The following CNNM2 variants were observed in gnomAD, a reference collection of about 807,000 sequenced individuals.
CNNM2 encodes metal transporter CNNM2.
A neutral mutation model predicts 66.9 loss-of-function variants in CNNM2; 12 were observed. The ratio of observed to expected loss-of-function variants is 0.18; its 90% CI spans 0.11 to 0.29. The LOEUF (loss-of-function observed/expected upper bound fraction) is 0.29, where lower values mean the gene tolerates loss of function less well. Ranked by LOEUF, CNNM2 falls within the 10% of genes least tolerant of loss-of-function variation. The pLI is 1.00. For missense variants in CNNM2, 705 were observed against 1,167.7 expected (o/e 0.60, Z 5.77); for synonymous variants, 557 against 501.8 (o/e 1.11, Z -1.47).
chr10:103,034,972 C>CAAAAAAAAAAAAAAAAAAAAAAAA (rs71019651), intron 1 of CNNM2, among the ~76,000 whole-genome samples: 3 of 71,138 alleles, frequency 4.2e-5, no homozygotes, highest in African/African-American at 1.2e-4. Context: ...GACTCCGTCT[C>CAAAAAAAAAAAAAAAAAAAAAAAA]AAAAAAAAAA....
chr10:103,062,784 G>C (rs537721268), intron 4 of CNNM2, among the ~76,000 whole-genome samples: 1 of 152,138 alleles, frequency 6.6e-6, no homozygotes, highest in Non-Finnish European at 1.5e-5. Context: ...ACAGTGTGTC[G>C]TGCTATTATT....
intron 6 of CNNM2, among the ~76,000 whole-genome samples, chr10:103,072,306 A>G (rs1306790856): frequency 2.6e-5 from 4 of 152,232 alleles, no homozygotes; most frequent in Non-Finnish European, 4.4e-5. Flanking sequence ...GGTAAGCAAG[A>G]AAAATACCCC....
chr10:102,997,183 A>G (rs1209391937), intron 1 of CNNM2, among the ~76,000 whole-genome samples: 1 of 152,186 alleles, frequency 6.6e-6, no homozygotes, highest in African/African-American at 2.4e-5. Context: ...GGAATTCTAG[A>G]TTGAAGAGAA....
At position 103,075,465 on chromosome 10, in the gene CNNM2, C is replaced by T. The variant is rs958238539; in HGVS notation, c.2234-621C>T. Among the ~76,000 whole-genome samples the T allele has an allele frequency of 2.6e-5, 4 of 152,222 alleles. No individual in the cohort carries two copies. In the South Asian group the frequency reaches 8.3e-4, roughly 32 times the overall value. On this transcript the variant is annotated intron_variant, in intron 6 of 7. Coordinates refer to ENST00000369878, the MANE Select transcript of CNNM2 (RefSeq NM_017649.5). ...CAAAACCTCACTGAAGACTCTAGCA[C>T]CCAAGATAACTTACTCAAACTCGTT...
rs994969842 is a variant in CNNM2, at chr10:103,088,999, CAAAT to C, written c.*11822_*11825del. On this transcript the variant is annotated 3_prime_UTR_variant, in exon 8 of 8. Coordinates refer to ENST00000369878, the MANE Select transcript of CNNM2 (RefSeq NM_017649.5). ...TAAGAAGGAGGTTGTTTTTGGATAA[CAAAT>C]AAGCATTTGTGCTATTAAACAAACA... 4.8e-6 allele frequency: 1 copy of C among 210,102 alleles called. No homozygotes were observed. The highest frequency in any genetic ancestry group is 2.3e-5 in the African/African-American group (1 of 44,044). 13.0% of individuals were successfully genotyped at this position (210,102 alleles called of 1,614,324 possible). A position where few individuals can be genotyped will look rare whatever the true frequency, so the allele number is the denominator to read the frequency against.
chr10:102,971,841 A>G (rs916704728), intron 1 of CNNM2, among the ~76,000 whole-genome samples: 2 of 152,006 alleles, frequency 1.3e-5, no homozygotes, highest in African/African-American at 2.4e-5. Flanking sequence ...TTTTTGGCCT[A>G]TTTGGTAAGT....
rs2065266198 is a variant in CNNM2, at chr10:103,054,533, A to T, written c.1903+67A>T. 7 of 1,524,716 alleles carry T rather than the reference A, an allele frequency of 4.6e-6. No individual in the cohort carries two copies. Among genetic ancestry groups the T allele is most frequent in the Non-Finnish European group, 5.4e-6 (6 of 1,111,606 alleles). The allele number at this position is 1,524,716 out of a possible 1,614,324, so 94.4% of individuals were successfully genotyped here. ...GAAGCGTGTTTCTCACCCACCACTG[A>T]CTGGGGTGGGTTGGGGGTGGACACT... is the stretch of plus-strand genomic sequence containing the variant. On this transcript the variant is annotated intron_variant, in intron 3 of 7. Transcript: ENST00000369878. The surrounding 1 kb of genome is among the most constrained non-coding windows in gnomAD (Gnocchi z 5.2).
chr10:102,932,468 CT>C (rs1846096346), intron 1 of CNNM2, among the ~76,000 whole-genome samples: 1 of 152,144 alleles, frequency 6.6e-6, no homozygotes, highest in African/African-American at 2.4e-5. Flanking sequence ...AGTTTTAGCT[CT>C]TTCATTTAAG....
In CNNM2 at chr10:102,994,345, C is replaced by G. The variant is rs181634789; in HGVS notation, c.1622-55362C>G. 5.8e-4 allele frequency among the ~76,000 whole-genome samples: 88 copies of G among 152,264 alleles called. No individual in the cohort carries two copies. The Middle Eastern group carries it at 0.01, about 18-fold the overall frequency. On this transcript the variant is annotated intron_variant, in intron 1 of 7. Coordinates refer to ENST00000369878, the MANE Select transcript of CNNM2 (RefSeq NM_017649.5). ...AGGTTTACCATAAAGCATTAAACAC[C>G]AACAAAATTGCCGGAAGGGCTGAAG...
intron 1 of CNNM2, among the ~76,000 whole-genome samples, chr10:102,958,566 G>A (rs754019789): frequency 7.3e-6 from 1 of 136,674 alleles, no homozygotes; most frequent in Non-Finnish European, 1.5e-5. Flanking sequence ...CGCCTCCCAG[G>A]TTCAGGCGAT....
intron 1 of CNNM2, among the ~76,000 whole-genome samples, chr10:102,975,750 T>C (rs758171507): frequency 9.2e-5 from 14 of 152,184 alleles, no homozygotes; most frequent in Non-Finnish European, 1.8e-4. Context: ...AATTCTTTGG[T>C]AAATGACCTT....
rs917633939 is a variant in CNNM2 at position 103,021,773 on chromosome 10, C to G, written c.1622-27934C>G. Among the ~76,000 whole-genome samples the G allele has an allele frequency of 3.3e-5, 5 of 152,060 alleles. No individual in the cohort carries two copies. The East Asian group carries it at 9.6e-4, about 29-fold the overall frequency. On this transcript the variant is annotated intron_variant, in intron 1 of 7. Transcript: ENST00000369878. ...GGACTCTTTCCCCCAGAATACAACT[C>G]TATGGTTTCAAAACAGGAGTCATTG...
intron 1 of CNNM2, among the ~76,000 whole-genome samples, chr10:102,952,756 C>A (rs576121410): frequency 2.0e-5 from 3 of 152,228 alleles, no homozygotes; most frequent in Admixed American, 2.0e-4. Flanking sequence ...AGTATTCCAC[C>A]CCATCTGGTA....
chr10:103,071,893 C>T, intron 6 of CNNM2, 54 bp downstream of exon 6: 4 of 1,518,020 alleles, frequency 2.6e-6, no homozygotes, highest in Admixed American at 1.7e-5. Context: ...CCTTGCCCCC[C>T]ATCACGCCTG....
intron 1 of CNNM2, among the ~76,000 whole-genome samples, chr10:102,979,672 A>G (rs2063689813): frequency 1.3e-5 from 2 of 152,202 alleles, no homozygotes; most frequent in African/African-American, 4.8e-5. Flanking sequence ...TAGTTGCCCA[A>G]TAAATAGTTG....
At chr10:103,074,964 G>A (rs557902730) in intron 6 of CNNM2, among the ~76,000 whole-genome samples, 1 of 152,334 alleles carries the variant, frequency 6.6e-6, no homozygotes, top group Non-Finnish European at 1.5e-5. Flanking sequence ...TTATCCTAGA[G>A]AAGAGACTTA....
intron 1 of CNNM2, 111 bp downstream of exon 1, chr10:102,920,212 C>T (rs1460663609): frequency 6.2e-7 from 1 of 1,603,264 alleles, no homozygotes; most frequent in African/African-American, 1.3e-5. Context: ...ACCGGGATTT[C>T]TCCTTCTCCC....
chr10:102,963,248 G>T (rs573826347), intron 1 of CNNM2, among the ~76,000 whole-genome samples: 1 of 152,274 alleles, frequency 6.6e-6, no homozygotes, highest in South Asian at 2.1e-4. Context: ...TTTTAAAAAT[G>T]GAAAAAGGAC....
At chr10:102,944,666 A>G (rs745408680) in intron 1 of CNNM2, among the ~76,000 whole-genome samples, 5 of 151,600 alleles carry the variant, frequency 3.3e-5, no homozygotes, top group Admixed American at 6.6e-5. Context: ...GGTTGCAGAC[A>G]TCATGATACT....
Sources: allele counts gnomAD v4.1 joint callset (sites outside exome capture counted in the v4.1 genomes callset), GRCh38; gene constraint gnomAD v4.1.1; non-coding constraint Gnocchi (gnomAD v3.1); transcripts MANE v1.5; gene names NCBI Gene and HGNC (gene_info 2026-07-23, HGNC 2026-07-21).